The following DYNC2H1 variants were observed in gnomAD, a reference collection of about 807,000 sequenced individuals.
DYNC2H1 encodes cytoplasmic dynein 2 heavy chain 1.
A neutral mutation model predicts 570.0 loss-of-function variants in DYNC2H1; 410 were observed. The ratio of observed to expected loss-of-function variants is 0.72; its 90% confidence interval spans 0.66 to 0.78. The LOEUF (loss-of-function observed/expected upper bound fraction) is 0.78. DYNC2H1 is among the 30% of genes least tolerant of loss of function. DYNC2H1 has a pLI of 0.00. For missense variants in DYNC2H1, 4,865 were observed against 5,046.4 expected (o/e 0.96, Z 1.09); for synonymous variants, 1,688 against 1,677.6 (o/e 1.01, Z -0.15).
intron 86 of DYNC2H1, among the ~76,000 whole-genome samples, chr11:103,455,880 T>C (rs987682895): frequency 6.6e-6 from 1 of 152,250 alleles, no homozygotes; most frequent in South Asian, 2.1e-4. Context: ...ACTAAAAATA[T>C]CCTCAACAAA....
At position 103,120,440 on chromosome 11, in the gene DYNC2H1, AT is replaced by A; in HGVS notation, c.1000-3del. On this transcript the variant is annotated splice_polypyrimidine_tract_variant and splice_region_variant and intron_variant, in intron 6 of 88. Coordinates refer to ENST00000375735, the MANE Select transcript of DYNC2H1 (RefSeq NM_001377.3). ...ATAAATTCTGTTGTTTTAATACTTC[AT>A]TTTAGGTCTTGGCTATTAGAACAAT... 1.9e-6 allele frequency: 3 copies of A among 1,601,330 alleles called. No homozygotes were observed. Among genetic ancestry groups the A allele is most frequent in the Non-Finnish European group, 2.6e-6 (3 of 1,173,166 alleles).
intron 83 of DYNC2H1, among the ~76,000 whole-genome samples, chr11:103,370,101 A>T (rs1941085016): frequency 6.6e-6 from 1 of 152,234 alleles, no homozygotes; most frequent in Admixed American, 6.5e-5. Flanking sequence ...CTGAAGGGTG[A>T]GTCCCAGGTC....
At chr11:103,143,166 T>G (rs1860048139) in intron 17 of DYNC2H1, 102 bp from the exon 18 acceptor site, 1 of 1,225,704 alleles carries the variant, frequency 8.2e-7, no homozygotes, top group Admixed American at 2.2e-5. Context: ...ATACCTCATA[T>G]TTTCCTCTTT....
At chr11:103,259,351 C>A (rs189764262) in intron 69 of DYNC2H1, among the ~76,000 whole-genome samples, 4 of 152,184 alleles carry the variant, frequency 2.6e-5, no homozygotes, top group Non-Finnish European at 5.9e-5. Flanking sequence ...TCAATTATTA[C>A]AATCTTGCAA....
At chr11:103,426,075 C>T (rs1472062106) in intron 84 of DYNC2H1, among the ~76,000 whole-genome samples, 2 of 150,738 alleles carry the variant, frequency 1.3e-5, no homozygotes, top group Non-Finnish European at 2.9e-5. Flanking sequence ...TGGCTTAAGG[C>T]GTTCCTAAAC....
At chr11:103,397,321 A>C (rs1877757) in intron 83 of DYNC2H1, among the ~76,000 whole-genome samples, 77,373 of 151,626 alleles carry the variant, frequency 0.51, 20,049 homozygotes, top group African/African-American at 0.62. Context: ...TAAAAAAAAA[A>C]CCCTAGTAAT....
At chr11:103,323,853 T>TA (rs747594233) in intron 81 of DYNC2H1, 33 bp from the exon 82 acceptor site, 15 of 1,532,722 alleles carry the variant, frequency 9.8e-6, no homozygotes, top group African/African-American at 4.1e-5. Flanking sequence ...CTTTATTTTT[T>TA]AAAAAAACTG....
chr11:103,187,467 A>G lies in DYNC2H1; in HGVS notation c.7021A>G (p.Asn2341Asp). The G allele has an allele frequency of 1.2e-6, 2 of 1,613,368 alleles. No homozygotes were observed. Among genetic ancestry groups the G allele is most frequent in the African/African-American group, 1.3e-5 (1 of 74,968 alleles). ...LSQTCMVIST[N>D]TGRVYRPKDC... Reference sequence around the variant, plus strand: ...CCAGACTTGCATGGTAATCAGTACTAATACTGGTCGTGTATACAGACCAAA... The same window carrying G: ...CCAGACTTGCATGGTAATCAGTACTGATACTGGTCGTGTATACAGACCAAA... Residue 2341 changes from asparagine (N) to aspartate (D), a missense_variant, in exon 43 of 89, where the codon AAT becomes GAT. Physicochemically the swap from Asn to Asp is conservative, Grantham distance 23 (BLOSUM62 1). Transcript: ENST00000375735.
At chr11:103,206,607 C>T (rs750082344) in intron 52 of DYNC2H1, among the ~76,000 whole-genome samples, 15 of 151,880 alleles carry the variant, frequency 9.9e-5, no homozygotes, top group Admixed American at 6.6e-5. Context: ...GAAGCAGCTG[C>T]TAGGGAAATA....
intron 87 of DYNC2H1, among the ~76,000 whole-genome samples, chr11:103,466,333 T>G (rs1409204600): frequency 6.6e-6 from 1 of 152,160 alleles, no homozygotes; most frequent in African/African-American, 2.4e-5. Flanking sequence ...AAGAGAAGAC[T>G]TTTAGAAACA....
In DYNC2H1 at chr11:103,245,856, T is replaced by C. The variant is rs773425557; in HGVS notation, c.10042+482T>C. 3.3e-5 allele frequency among the ~76,000 whole-genome samples: 5 copies of C among 152,094 alleles called. No homozygotes were observed. Among genetic ancestry groups the C allele is most frequent in the Admixed American group, 3.3e-4 (5 of 15,232 alleles). ...CATAGGAACCCAGCCCAGTCTTGGATGATTAGAAGGCTATGCCTTGAAACT... is the reference window on the plus strand; with the variant it reads ...CATAGGAACCCAGCCCAGTCTTGGACGATTAGAAGGCTATGCCTTGAAACT... On this transcript the variant is annotated intron_variant, in intron 65 of 88. Transcript: ENST00000375735. The surrounding 1 kb of genome is among the most constrained non-coding windows in gnomAD (Gnocchi z 4.5).
Position 103,176,230 on chromosome 11 carries a change from T to C in DYNC2H1, c.5675-5T>C. ...AAATAATTTTAAAATGAAACTTTTT[T>C]CTAGCTAATGAAAGTCATATTGTGG... On this transcript the variant is annotated splice_polypyrimidine_tract_variant and splice_region_variant and intron_variant, in intron 36 of 88. Coordinates refer to ENST00000375735, the MANE Select transcript of DYNC2H1 (RefSeq NM_001377.3). 1 of 1,466,856 alleles carries C rather than the reference T, an allele frequency of 6.8e-7. No individual in the cohort carries two copies. 90.9% of individuals were successfully genotyped at this position (1,466,856 alleles called of 1,614,324 possible). A position where few individuals can be genotyped will look rare whatever the true frequency, so the allele number is the denominator to read the frequency against.
intron 81 of DYNC2H1, 153 bp downstream of exon 81, chr11:103,321,390 A>C (rs1938189145): frequency 1.1e-6 from 1 of 912,584 alleles, no homozygotes; most frequent in Non-Finnish European, 1.7e-6. Flanking sequence ...GATTCTTTCA[A>C]CTTTAGTGAG....
Position 103,316,572 on chromosome 11 carries a change from T to C in DYNC2H1, c.11677T>C (p.Leu3893=), listed in dbSNP as rs190141107. ...TTGGACAAAGTTTTATGAATTTTCT[T>C]TATCAGATCTTCGGGCTGGGTACAA... The part of the protein sequence containing the change: ...QGWTKFYEFS[L]SDLRAGYNII... Residue 3893 remains leucine (L), a synonymous_variant, in exon 80 of 89, where the codon TTA becomes CTA. Coordinates refer to ENST00000375735, the MANE Select transcript of DYNC2H1 (RefSeq NM_001377.3). 50 of 1,560,484 alleles carry C rather than the reference T, an allele frequency of 3.2e-5. No individual in the cohort carries two copies. The East Asian group carries it at 1.2e-3, about 36-fold the overall frequency.
intron 85 of DYNC2H1, among the ~76,000 whole-genome samples, chr11:103,437,664 T>A (rs1186834492): frequency 6.6e-6 from 1 of 152,146 alleles, no homozygotes; most frequent in Admixed American, 6.6e-5. Context: ...AGGGAGAAAG[T>A]CTATTAGTGA....
chr11:103,223,431 A>G (rs1399969563), intron 59 of DYNC2H1, among the ~76,000 whole-genome samples: 1 of 152,142 alleles, frequency 6.6e-6, no homozygotes, highest in Non-Finnish European at 1.5e-5. Context: ...CTTGTTGCCC[A>G]GGCTGGATTG....
chr11:103,193,036 A>T (rs546792402), intron 47 of DYNC2H1, among the ~76,000 whole-genome samples: 1 of 152,320 alleles, frequency 6.6e-6, no homozygotes, highest in Non-Finnish European at 1.5e-5. Context: ...AGTATATTGT[A>T]CATTTCTAGA....
At chr11:103,250,754 C>G (rs1395226946) in intron 65 of DYNC2H1, among the ~76,000 whole-genome samples, 10 of 151,952 alleles carry the variant, frequency 6.6e-5, no homozygotes, top group Admixed American at 2.0e-4. Flanking sequence ...AGCCCTTCTT[C>G]AGCTTCCTAC....
intron 83 of DYNC2H1, among the ~76,000 whole-genome samples, chr11:103,385,641 C>T (rs1400567863): frequency 6.6e-6 from 1 of 152,296 alleles, no homozygotes; most frequent in East Asian, 1.9e-4. Flanking sequence ...GGGACTATAG[C>T]ATTATCTCCT....
Sources: gnomAD v4.1 joint callset for allele counts (sites outside exome capture counted in the v4.1 genomes callset) on GRCh38, gnomAD v4.1.1 for gene constraint, Gnocchi (gnomAD v3.1) non-coding constraint, MANE v1.5 for transcripts, NCBI Gene and HGNC (gene_info 2026-07-23, HGNC 2026-07-21) for gene names.